The following CROCC variants were observed in gnomAD, a reference collection of about 807,000 sequenced individuals.
CROCC encodes the protein rootletin.
CROCC carries 180 observed loss-of-function variants against 245.2 expected under a neutral mutation model. The observed-to-expected ratio is 0.73, with a 90% CI of 0.65 to 0.83. The LOEUF (loss-of-function observed/expected upper bound fraction) is 0.83, where lower values mean the gene tolerates loss of function less well. CROCC is among the 40% of genes least tolerant of loss of function. CROCC has a pLI of 0.00. For missense variants in CROCC, 2,688 were observed against 2,779.4 expected (o/e 0.97, Z 0.74); for synonymous variants, 1,205 against 1,241.6 (o/e 0.97, Z 0.62).
rs184468630 is a variant in CROCC at position 16,940,344 on chromosome 1, C to A, written c.1808+251C>A. On this transcript the variant is annotated intron_variant, in intron 13 of 36. Coordinates refer to ENST00000375541, the MANE Select transcript of CROCC (RefSeq NM_014675.5). ...GTTCACGCCATTCTCCTGCCTCAGC[C>A]TCCCGAGTATCTGGGACTACAGGCC... 4.6e-4 allele frequency among the ~76,000 whole-genome samples: 70 copies of A among 152,240 alleles called. No homozygotes were observed. The East Asian group carries it at 0.013, about 29-fold the overall frequency.
rs535606357 is a variant in CROCC, at chr1:16,961,086, C to T, written c.4361C>T (p.Pro1454Leu). The change falls in exon 27 of 37, where the codon CCG becomes CTG. Residue 1454 changes from proline to leucine, a missense_variant. Transcript: ENST00000375541. ...LGLGRAPSPAPRPVPGSPARD... is the reference protein window; with the variant it reads ...LGLGRAPSPALRPVPGSPARD... ...CTCGGTCGCGCGCCCAGCCCAGCCC[C>T]GCGGCCAGTGCCCGGTTCCCCTGCC... 6 of 1,364,102 alleles carry T rather than the reference C, an allele frequency of 4.4e-6. No individual in the cohort carries two copies. Among genetic ancestry groups the T allele is most frequent in the Admixed American group, 3.4e-5 (1 of 29,084 alleles). 84.5% of individuals were successfully genotyped at this position (1,364,102 alleles called of 1,614,324 possible). A position where few individuals can be genotyped will look rare whatever the true frequency, so the allele number is the denominator to read the frequency against.
At chr1:16,948,285 G>C (rs1219258037) in intron 17 of CROCC, 46 bp from the exon 18 acceptor site, 2 of 1,496,988 alleles carry the variant, frequency 1.3e-6, no homozygotes, top group Admixed American at 2.2e-5. Context: ...CGATGAACAA[G>C]CTGGGGGACG....
At chr1:16,918,140 C>T (rs865820727), upstream of CROCC, among the ~76,000 whole-genome samples, 2 of 145,470 alleles carry the variant, frequency 1.4e-5, no homozygotes, top group Non-Finnish European at 3.0e-5. Context: ...AAACAGGCAC[C>T]ATTATTATCC....
rs2100556278 is a variant in CROCC at position 16,969,172 on chromosome 1, T to C, written c.5133T>C (p.Asn1711=). Reference sequence around the variant, plus strand: ...TGCAGCTGACCGTGGAGCGGCTGAATGGGGCCCTGGCTAAGGTGGAGGAAA... The same window carrying C: ...TGCAGCTGACCGTGGAGCGGCTGAACGGGGCCCTGGCTAAGGTGGAGGAAA... ...GTLQLTVERL[N]GALAKVEESE... is the part of the protein sequence containing the mutation. The change falls in exon 32 of 37, where the codon AAT becomes AAC. Residue 1711 remains asparagine (N), a synonymous_variant. Transcript: ENST00000375541. 1 of 1,611,022 alleles carries C rather than the reference T, an allele frequency of 6.2e-7. No individual in the cohort carries two copies. Among genetic ancestry groups the C allele is most frequent in the Non-Finnish European group, 8.5e-7 (1 of 1,178,922 alleles).
chr1:16,933,472 A>G (rs573656418), intron 8 of CROCC, among the ~76,000 whole-genome samples: 2 of 152,384 alleles, frequency 1.3e-5, no homozygotes, highest in East Asian at 3.9e-4. Flanking sequence ...GTCTCGAAAA[A>G]AAAAGTCACA....
chr1:16,916,811 C>G (rs2075310328), intron 1 of CROCC, among the ~76,000 whole-genome samples: 1 of 152,278 alleles, frequency 6.6e-6, no homozygotes, highest in Non-Finnish European at 1.5e-5. Context: ...GTGCACCCGG[C>G]TTGCTGTTAT....
chr1:16,971,679 G>A, intron 36 of CROCC, 32 bp downstream of exon 36: 1 of 1,447,544 alleles, frequency 6.9e-7, no homozygotes, highest in East Asian at 2.5e-5. Context: ...GCTGGGCCAG[G>A]ATGGATGTGT....
chr1:16,954,641 G>C lies in CROCC; in HGVS notation c.3322-93G>C, dbSNP rs975760657. ...AGGCCAGCGGGAGGGGCCGTGTTTA[G>C]AGCTAAAAGTGGACAGTGCACTGAG... On this transcript the variant is annotated intron_variant, in intron 22 of 36. Coordinates refer to ENST00000375541, the MANE Select transcript of CROCC (RefSeq NM_014675.5). The surrounding 1 kb of genome is among the most constrained non-coding windows in gnomAD (Gnocchi z 4.4). The C allele has an allele frequency of 4.8e-6, 7 of 1,443,994 alleles. No individual in the cohort carries two copies. The Admixed American group carries it at 1.3e-4, about 27-fold the overall frequency. 89.4% of individuals were successfully genotyped at this position (1,443,994 alleles called of 1,614,324 possible).
intron 1 of CROCC, among the ~76,000 whole-genome samples, chr1:16,914,502 C>A (rs2075283047): frequency 6.6e-6 from 1 of 152,280 alleles, no homozygotes; most frequent in East Asian, 1.9e-4. Flanking sequence ...CTCCTGCGTG[C>A]GGGCCCCGCC....
At chr1:16,914,744 TG>T (rs66839753) in intron 1 of CROCC, among the ~76,000 whole-genome samples, 2 of 151,982 alleles carry the variant, frequency 1.3e-5, no homozygotes, top group African/African-American at 4.8e-5. Context: ...GTGGGCATTT[TG>T]AACGAGCTCC....
chr1:16,953,559 G>A, intron 21 of CROCC, 78 bp downstream of exon 21: 1 of 1,375,236 alleles, frequency 7.3e-7, no homozygotes. Flanking sequence ...CTGCCACTTG[G>A]CAGCTAGGAG....
chr1:16,970,990 CGTTGTGGCCATGCAGCA>C, intron 35 of CROCC: 1 of 484,794 alleles, frequency 2.1e-6, no homozygotes, highest in Non-Finnish European at 3.6e-6. Context: ...GGTTCATGTA[CGTTGTGGCCATGCAGCA>C]GTGTGAGAAT....
chr1:16,918,738 G>GTTTTTTTTTTTTTTTTTTTT (rs68022839), upstream of CROCC, among the ~76,000 whole-genome samples: 1 of 144,038 alleles, frequency 6.9e-6, no homozygotes. Context: ...TTAGTTTTTT[G>GTTTTTTTTTTTTTTTTTTTT]TTTTTGTTTT....
intron 20 of CROCC, among the ~76,000 whole-genome samples, chr1:16,952,854 C>A (rs1358318946): frequency 3.9e-5 from 6 of 152,216 alleles, no homozygotes; most frequent in Non-Finnish European, 8.8e-5. Flanking sequence ...CTCCTTGTCA[C>A]CTTGGCTCGA....
rs2076486832 is a variant in CROCC, at chr1:16,969,952, C to T, written c.5451+18C>T. On this transcript the variant is annotated intron_variant, in intron 33 of 36. Coordinates refer to ENST00000375541, the MANE Select transcript of CROCC (RefSeq NM_014675.5). ...TACGGGAGGTGAGGGCCAGGGTGTGCCCCCTCTGTCCCCAAGACTGTGAGG... is the reference window on the plus strand; with the variant it reads ...TACGGGAGGTGAGGGCCAGGGTGTGTCCCCTCTGTCCCCAAGACTGTGAGG... 1 of 1,564,172 alleles carries T rather than the reference C, an allele frequency of 6.4e-7. No individual in the cohort carries two copies. The highest frequency in any genetic ancestry group is 8.7e-7 in the Non-Finnish European group (1 of 1,154,886).
intron 12 of CROCC, 105 bp from the exon 13 acceptor site, chr1:16,939,789 A>G: frequency 4.3e-6 from 6 of 1,381,592 alleles, no homozygotes; most frequent in Non-Finnish European, 6.0e-6. Flanking sequence ...CAGGCCCTGG[A>G]CCCCGCCTAG....
At position 16,930,577 on chromosome 1, in the gene CROCC, T is replaced by G. The variant is rs1213808850; in HGVS notation, c.832T>G (p.Trp278Gly). 1 of 1,611,030 alleles carries G rather than the reference T, an allele frequency of 6.2e-7. No homozygotes were observed. The highest frequency in any genetic ancestry group is 8.5e-7 in the Non-Finnish European group (1 of 1,179,276). ...GGAGCTGGAGCACCGGGAGGCGGCG[T>G]GGAGGCGCGAGGAGGAGGTGGGCAT... ...RKELEHREAA[W>G]RREEESFNAY... Residue 278 changes from tryptophan to glycine, a missense_variant, in exon 7 of 37, where the codon TGG becomes GGG. Coordinates refer to ENST00000375541, the MANE Select transcript of CROCC (RefSeq NM_014675.5).
chr1:16,958,309 T>C, intron 25 of CROCC, among the ~76,000 whole-genome samples: 1 of 152,222 alleles, frequency 6.6e-6, no homozygotes, highest in East Asian at 1.9e-4. Context: ...TGTGAACTCC[T>C]GGTCTGCTAA....
Position 16,969,030 on chromosome 1 carries a change from G to C in CROCC, c.5077-86G>C, listed in dbSNP as rs1191069054. 13 of 1,268,770 alleles carry C rather than the reference G, an allele frequency of 1.0e-5. No individual in the cohort carries two copies. In the Admixed American group the frequency reaches 1.2e-4, roughly 12 times the overall value. The allele number at this position is 1,268,770 out of a possible 1,614,324, so 78.6% of individuals were successfully genotyped here. The stretch of plus-strand genomic sequence containing the variant: ...GAGAAGTGGGAAGGGTGTGGATTGG[G>C]CATGCCAGGTGGAGGTCACAGTGGG... On this transcript the variant is annotated intron_variant, in intron 31 of 36. Coordinates refer to ENST00000375541, the MANE Select transcript of CROCC (RefSeq NM_014675.5).
Sources: allele counts gnomAD v4.1 joint callset (sites outside exome capture counted in the v4.1 genomes callset), GRCh38; gene constraint gnomAD v4.1.1; non-coding constraint Gnocchi (gnomAD v3.1); transcripts MANE v1.5; gene names NCBI Gene and HGNC (gene_info 2026-07-23, HGNC 2026-07-21).